Variants in AACS observed in about 807,000 individuals in gnomAD.
AACS encodes acetoacetyl-CoA synthetase.
AACS carries 69 observed loss-of-function variants against 83.1 expected under a neutral mutation model. The observed-to-expected ratio is 0.83, with a 90% CI of 0.68 to 1.01. AACS has a LOEUF of 1.01. AACS is among the 50% of genes least tolerant of loss of function. The pLI is 0.00. For synonymous variants in AACS, 333 were observed against 343.4 expected (o/e 0.97, Z 0.33); for missense variants, 866 against 882.2 (o/e 0.98, Z 0.23).
intron 10 of AACS, 136 bp from the exon 11 acceptor site, chr12:125,124,569 A>G: frequency 1.1e-6 from 1 of 921,394 alleles, no homozygotes; most frequent in Non-Finnish European, 1.6e-6. Context: ...AGTAAACATG[A>G]AGTATGAGTT....
At chr12:125,087,894 T>C (rs1240340912) in intron 4 of AACS, among the ~76,000 whole-genome samples, 1 of 152,196 alleles carries the variant, frequency 6.6e-6, no homozygotes, top group African/African-American at 2.4e-5. Flanking sequence ...CTGCCTCCTG[T>C]CTCAGCCCTT....
chr12:125,079,187 G>A (rs1161445459), intron 3 of AACS, among the ~76,000 whole-genome samples: 1 of 152,094 alleles, frequency 6.6e-6, no homozygotes, highest in East Asian at 1.9e-4. Context: ...GTGGGGAACA[G>A]CCAGGAAGGC....
At chr12:125,121,184 G>C (rs1274733025) in intron 10 of AACS, 4 of 152,336 alleles carry the variant, frequency 2.6e-5, no homozygotes, top group African/African-American at 7.2e-5. Context: ...TGGCGAGGCA[G>C]GTGTGACTTG....
chr12:125,074,227 TTTTG>T lies in AACS; in HGVS notation c.237+268_237+271del, dbSNP rs530132337. On this transcript the variant is annotated intron_variant, in intron 2 of 17. Coordinates refer to ENST00000316519, the MANE Select transcript of AACS (RefSeq NM_023928.5). The stretch of plus-strand genomic sequence containing the variant: ...GAACTTGAGTGATCCTAAATAGTAG[TTTTG>T]TTTGTTTGTTTGTTTGTTTTTAATT... Among the ~76,000 whole-genome samples, 130 of 152,116 alleles carry T rather than the reference TTTTG, an allele frequency of 8.5e-4. 1 individual carries two copies. Among genetic ancestry groups the T allele is most frequent in the African/African-American group, 2.7e-3 (113 of 41,480 alleles).
Position 125,142,378 on chromosome 12 carries a change from T to C in AACS, c.*149T>C. On this transcript the variant is annotated 3_prime_UTR_variant, in exon 18 of 18. Transcript: ENST00000316519. ...TTGGGGAGGGATCGTTTCTCTGTTTTGTTAAATCTGGTGGGTACCTGGATC... is the reference window on the plus strand; with the variant it reads ...TTGGGGAGGGATCGTTTCTCTGTTTCGTTAAATCTGGTGGGTACCTGGATC... 2 of 1,154,986 alleles carry C rather than the reference T, an allele frequency of 1.7e-6. No homozygotes were observed. The allele number at this position is 1,154,986 out of a possible 1,614,324, so 71.5% of individuals were successfully genotyped here.
In AACS at chr12:125,112,076, G is replaced by C. The variant is rs372661883; in HGVS notation, c.916-2401G>C. Among the ~76,000 whole-genome samples the C allele has an allele frequency of 3.9e-5, 6 of 152,192 alleles. No homozygotes were observed. In the East Asian group the frequency reaches 1.2e-3, roughly 29 times the overall value. ...AAAGTGGGAGAGGGATTTGCCACAG[G>C]CTCCTAGAATCCGAGTTCCCTGTCC... is the stretch of plus-strand genomic sequence containing the variant. On this transcript the variant is annotated intron_variant, in intron 8 of 17. Coordinates refer to ENST00000316519, the MANE Select transcript of AACS (RefSeq NM_023928.5).
At chr12:125,089,168 C>T (rs576564633) in intron 4 of AACS, among the ~76,000 whole-genome samples, 13 of 152,200 alleles carry the variant, frequency 8.5e-5, no homozygotes, top group Non-Finnish European at 1.8e-4. Flanking sequence ...ACGCTCATAG[C>T]CAAGTCTCAT....
intron 1 of AACS, 117 bp from the exon 2 acceptor site, chr12:125,073,759 C>T: frequency 1.3e-6 from 1 of 746,738 alleles, no homozygotes; most frequent in Non-Finnish European, 2.2e-6. Flanking sequence ...CAGACCATTT[C>T]TCCTCAGATG....
At chr12:125,091,389 C>T in intron 4 of AACS, 37 bp from the exon 5 acceptor site, 1 of 1,607,842 alleles carries the variant, frequency 6.2e-7, no homozygotes, top group East Asian at 2.2e-5. Flanking sequence ...TCCCATACAC[C>T]CTGAACCCAA....
In AACS at chr12:125,065,688, C is replaced by A. The variant is rs1323858639; in HGVS notation, c.104C>A (p.Ala35Asp). ...ACGCAGATGGACCGCTTCCGGGCGG[C>A]TGTGGGCGCCGCCTGCGGCCTGGCG... Reference protein sequence around the residue: ...KNTQMDRFRAAVGAACGLALE... With the variant: ...KNTQMDRFRADVGAACGLALE... Residue 35 changes from alanine to aspartate, a missense_variant, in exon 1 of 18, where the codon GCT (alanine) becomes GAT (aspartate). Coordinates refer to ENST00000316519, the MANE Select transcript of AACS (RefSeq NM_023928.5). The A allele has an allele frequency of 1.9e-6, 3 of 1,542,566 alleles. No homozygotes were observed. Among genetic ancestry groups the A allele is most frequent in the African/African-American group, 2.8e-5 (2 of 71,926 alleles).
intron 1 of AACS, among the ~76,000 whole-genome samples, chr12:125,068,715 A>C (rs529449170): frequency 8.5e-5 from 13 of 152,272 alleles, no homozygotes; most frequent in Non-Finnish European, 1.3e-4. Flanking sequence ...CTTTGCTTGA[A>C]GATCCAGCTC....
At position 125,118,663 on chromosome 12, in the gene AACS, G is replaced by T. The variant is rs150509465; in HGVS notation, c.1019G>T (p.Trp340Leu). 1 of 1,614,166 alleles carries T rather than the reference G, an allele frequency of 6.2e-7. No homozygotes were observed. The highest frequency in any genetic ancestry group is 1.3e-5 in the African/African-American group (1 of 75,072). Residue 340 changes from tryptophan to leucine, a missense_variant, in exon 10 of 18, where the codon TGG becomes TTG. By Grantham distance (61) the Trp-to-Leu change is moderately conservative. Coordinates refer to ENST00000316519, the MANE Select transcript of AACS (RefSeq NM_023928.5). ...YTTVGWMMWN[W>L]MVSLLATGAA... ...CAGGTCGGCTGGATGATGTGGAACT[G>T]GATGGTGTCCCTTCTGGCCACAGGA...
chr12:125,110,186 AG>A (rs1956923624), intron 8 of AACS, among the ~76,000 whole-genome samples: 1 of 111,220 alleles, frequency 9.0e-6, no homozygotes, highest in African/African-American at 3.6e-5. Context: ...CGGCCGGCTA[AG>A]TTTGTGTGTG....
chr12:125,141,081 T>G (rs960657593), intron 17 of AACS: 1 of 152,238 alleles, frequency 6.6e-6, no homozygotes, highest in Non-Finnish European at 1.5e-5. Flanking sequence ...GCACCCCTAC[T>G]TTCATTCGAG....
At chr12:125,118,987 C>T (rs1459127677) in intron 10 of AACS, among the ~76,000 whole-genome samples, 1 of 152,196 alleles carries the variant, frequency 6.6e-6, no homozygotes, top group Non-Finnish European at 1.5e-5. Flanking sequence ...AGGGCTCTTC[C>T]CTCCAGAGTG....
chr12:125,132,589 T>C (rs533123547), intron 14 of AACS, among the ~76,000 whole-genome samples: 2 of 152,168 alleles, frequency 1.3e-5, no homozygotes, highest in South Asian at 2.1e-4. Context: ...TTTTTTTTTT[T>C]CCTTATTTGT....
At chr12:125,105,347 G>C (rs1956810920) in intron 7 of AACS, 1 of 152,266 alleles carries the variant, frequency 6.6e-6, no homozygotes, top group Non-Finnish European at 1.5e-5. Flanking sequence ...CTGAGTCAGG[G>C]TGGGCAGATT....
intron 12 of AACS, among the ~76,000 whole-genome samples, chr12:125,125,286 A>G (rs1239297061): frequency 6.6e-6 from 1 of 152,230 alleles, no homozygotes; most frequent in Non-Finnish European, 1.5e-5. Context: ...TAAAATCCAA[A>G]ACAATACATC....
chr12:125,085,735 G>C (rs1295434284), intron 3 of AACS, among the ~76,000 whole-genome samples: 1 of 151,746 alleles, frequency 6.6e-6, no homozygotes, highest in South Asian at 2.1e-4. Context: ...AACTTCTTGT[G>C]AATCTGTAAT....
Sources: gnomAD v4.1 joint callset for allele counts (sites outside exome capture counted in the v4.1 genomes callset) on GRCh38, gnomAD v4.1.1 for gene constraint, MANE v1.5 for transcripts, NCBI Gene and HGNC (gene_info 2026-07-23, HGNC 2026-07-21) for gene names.